The following LNX2 variants were observed in gnomAD, a reference collection of about 807,000 sequenced individuals.
LNX2 encodes the protein ligand of Numb protein X 2.
In LNX2, 35 loss-of-function variants were observed where a neutral mutation model predicts 66.2. That is an observed-to-expected ratio of 0.53 (90% CI 0.40 to 0.70). The LOEUF (loss-of-function observed/expected upper bound fraction) is 0.70. Among genes scored for constraint, LNX2 ranks in the 30% least tolerant of loss-of-function variants. The pLI is 0.00. For missense variants in LNX2, 791 were observed against 850.8 expected (o/e 0.93, Z 0.87); for synonymous variants, 337 against 315.6 (o/e 1.07, Z -0.72).
chr13:27,583,261 C>CGCGCGTGCGCGCGCGCGCGCGCGCGT lies in LNX2; in HGVS notation c.-100-1459_-100-1458insACGCGCGCGCGCGCGCGCGCACGCGC, dbSNP rs11281345. The stretch of plus-strand genomic sequence containing the variant: ...GTGTGTGTGTGTGTGTGTGTGCGCG[C>CGCGCGTGCGCGCGCGCGCGCGCGCGT]GTCCTCTCCAACATACTTATTTTTA... On this transcript the variant is annotated intron_variant, in intron 1 of 9. Coordinates refer to ENST00000316334, the MANE Select transcript of LNX2 (RefSeq NM_153371.4). 6.6e-5 allele frequency among the ~76,000 whole-genome samples: 3 copies of CGCGCGTGCGCGCGCGCGCGCGCGCGT among 45,480 alleles called. 1 individual carries two copies. Among genetic ancestry groups the CGCGCGTGCGCGCGCGCGCGCGCGCGT allele is most frequent in the Non-Finnish European group, 1.4e-4 (3 of 22,058 alleles). The allele number at this position is 45,480 out of a possible 152,430, so 29.8% of individuals were successfully genotyped here. A position where few individuals can be genotyped will look rare whatever the true frequency, so the allele number is the denominator to read the frequency against.
chr13:27,561,594 T>C (rs994030861), intron 5 of LNX2, among the ~76,000 whole-genome samples: 4 of 152,376 alleles, frequency 2.6e-5, no homozygotes, highest in Admixed American at 1.3e-4. Context: ...AATTTTCTTA[T>C]AGTCTTAAAT....
In LNX2 at chr13:27,579,036, TAA is replaced by T. The variant is rs1302640923; in HGVS notation, c.407+2259_407+2260del. On this transcript the variant is annotated intron_variant, in intron 2 of 9. Coordinates refer to ENST00000316334, the MANE Select transcript of LNX2 (RefSeq NM_153371.4). Reference sequence around the variant, plus strand: ...TTTGGGCAAATAAACTGAAAGACTATAAAGACATGGTTCTGTTTCTAAAGGAA... The same window carrying T: ...TTTGGGCAAATAAACTGAAAGACTATAGACATGGTTCTGTTTCTAAAGGAA... Among the ~76,000 whole-genome samples, 8 of 152,340 alleles carry T rather than the reference TAA, an allele frequency of 5.3e-5. No homozygotes were observed. In the East Asian group the frequency reaches 1.3e-3, roughly 26 times the overall value.
At chr13:27,557,659 GCATTTATCAAAT>G (rs1955079538) in intron 6 of LNX2, among the ~76,000 whole-genome samples, 1 of 151,892 alleles carries the variant, frequency 6.6e-6, no homozygotes, top group African/African-American at 2.4e-5. Flanking sequence ...GTTAATAATG[GCATTTATCAAAT>G]CTCTAAATCA....
intron 1 of LNX2, among the ~76,000 whole-genome samples, chr13:27,618,629 A>AT (rs1318204035): frequency 6.6e-6 from 1 of 152,092 alleles, no homozygotes; most frequent in Admixed American, 6.5e-5. Context: ...AAAATCCTTC[A>AT]TTTTTCTGTT....
intron 2 of LNX2, among the ~76,000 whole-genome samples, chr13:27,575,125 A>G (rs189350518): frequency 1.9e-3 from 283 of 152,360 alleles, no homozygotes; most frequent in Non-Finnish European, 2.3e-3. Context: ...CATGTGAAAA[A>G]TGAAGAGCAT....
intron 1 of LNX2, among the ~76,000 whole-genome samples, chr13:27,591,250 A>G (rs1955543658): frequency 6.6e-6 from 1 of 152,226 alleles, no homozygotes; most frequent in African/African-American, 2.4e-5. Flanking sequence ...AAGAAAATAC[A>G]TTGTAATTCA....
intron 2 of LNX2, among the ~76,000 whole-genome samples, chr13:27,574,760 C>T (rs574718002): frequency 1.3e-5 from 2 of 152,250 alleles, no homozygotes; most frequent in South Asian, 4.1e-4. Flanking sequence ...ACTTAAGACA[C>T]CTCATAATAA....
chr13:27,584,794 G>T (rs1227300627), intron 1 of LNX2, among the ~76,000 whole-genome samples: 1 of 152,232 alleles, frequency 6.6e-6, no homozygotes, highest in Non-Finnish European at 1.5e-5. Context: ...GTTGGCCTCA[G>T]ATAAATTGTG....
intron 5 of LNX2, among the ~76,000 whole-genome samples, chr13:27,560,563 G>GTATATATATA (rs1382726431): frequency 6.9e-4 from 35 of 50,886 alleles, no homozygotes; most frequent in African/African-American, 4.4e-3. Context: ...ATATGTATGT[G>GTATATATATA]TGTATATATA....
At chr13:27,548,562 T>C in intron 9 of LNX2, 92 bp from the exon 10 acceptor site, 1 of 1,334,554 alleles carries the variant, frequency 7.5e-7, no homozygotes, top group Non-Finnish European at 1.0e-6. Context: ...AAATGCGGTT[T>C]CACTTACCAC....
In LNX2 at chr13:27,612,124, C is replaced by T. The variant is rs926938535; in HGVS notation, c.-101+8251G>A. ...GAAATCACAGCAGATCATCTCATTT[C>T]CTCCATGAAATAACCAGATTATCTG... is the stretch of plus-strand genomic sequence containing the variant. On this transcript the variant is annotated intron_variant, in intron 1 of 9. Coordinates refer to ENST00000316334, the MANE Select transcript of LNX2 (RefSeq NM_153371.4). Among the ~76,000 whole-genome samples the T allele has an allele frequency of 6.7e-4, 102 of 152,158 alleles. 5 individuals carry two copies. Among genetic ancestry groups the T allele is most frequent in the Non-Finnish European group, 2.9e-5 (2 of 68,026 alleles).
chr13:27,558,090 G>GT (rs1955085285), intron 6 of LNX2, among the ~76,000 whole-genome samples: 1 of 151,218 alleles, frequency 6.6e-6, no homozygotes, highest in Non-Finnish European at 1.5e-5. Flanking sequence ...AAACATGAAT[G>GT]TTTATCAGAA....
chr13:27,615,117 C>A (rs907653435), intron 1 of LNX2, among the ~76,000 whole-genome samples: 2 of 152,132 alleles, frequency 1.3e-5, no homozygotes, highest in Non-Finnish European at 2.9e-5. Flanking sequence ...GGCTCAGTCT[C>A]CAAGACCGCT....
At chr13:27,553,835 C>A (rs1479695745) in intron 7 of LNX2, among the ~76,000 whole-genome samples, 5 of 152,124 alleles carry the variant, frequency 3.3e-5, no homozygotes, top group African/African-American at 1.2e-4. Context: ...AGAAATAAAT[C>A]TTTAATGTAT....
intron 1 of LNX2, among the ~76,000 whole-genome samples, chr13:27,582,169 A>AC (rs112661740): frequency 2.3e-3 from 346 of 152,122 alleles, no homozygotes; most frequent in African/African-American, 7.9e-3. Flanking sequence ...AGCTGGTACT[A>AC]CAGGTGCACG....
At chr13:27,566,682 C>T (rs1172009247) in intron 4 of LNX2, among the ~76,000 whole-genome samples, 1 of 151,960 alleles carries the variant, frequency 6.6e-6, no homozygotes, top group Non-Finnish European at 1.5e-5. Flanking sequence ...GAAGAGAAGT[C>T]CTAGACTCAA....
chr13:27,608,991 C>A (rs1593265684), intron 1 of LNX2, among the ~76,000 whole-genome samples: 1 of 151,706 alleles, frequency 6.6e-6, no homozygotes, highest in Non-Finnish European at 1.5e-5. Flanking sequence ...CGGGGTTTTG[C>A]CATTTTGACC....
intron 1 of LNX2, among the ~76,000 whole-genome samples, chr13:27,609,641 ATTT>A (rs1167892668): frequency 6.6e-6 from 1 of 152,230 alleles, no homozygotes; most frequent in African/African-American, 2.4e-5. Context: ...ACAGGTAATC[ATTT>A]TATAGGAAAA....
At chr13:27,596,768 A>G (rs1482179701) in intron 1 of LNX2, among the ~76,000 whole-genome samples, 1 of 152,208 alleles carries the variant, frequency 6.6e-6, no homozygotes. Context: ...TGTACATGAA[A>G]AGAGAAAAAG....
Sources: gnomAD v4.1 joint callset for allele counts (sites outside exome capture counted in the v4.1 genomes callset) on GRCh38, gnomAD v4.1.1 for gene constraint, MANE v1.5 for transcripts, NCBI Gene and HGNC (gene_info 2026-07-23, HGNC 2026-07-21) for gene names.